Variants in NTNG1 observed in about 807,000 individuals in gnomAD.
NTNG1 encodes the protein netrin-G1.
In NTNG1, 16 loss-of-function variants were observed where a neutral mutation model predicts 54.0. The ratio of observed to expected loss-of-function variants is 0.30; its 90% CI spans 0.20 to 0.45. NTNG1 has a LOEUF of 0.45. NTNG1 is among the 20% of genes least tolerant of loss of function. The probability of loss-of-function intolerance (pLI) is 1.00; values close to 1 mark genes in which losing one functional copy is unlikely to be tolerated. For synonymous variants in NTNG1, 255 were observed against 263.1 expected (o/e 0.97, Z 0.30); for missense variants, 530 against 678.7 (o/e 0.78, Z 2.43).
At chr1:107,171,634 G>A (rs536976176) in intron 2 of NTNG1, among the ~76,000 whole-genome samples, 51 of 152,246 alleles carry the variant, frequency 3.3e-4, no homozygotes, top group African/African-American at 1.1e-3. Flanking sequence ...ATGGGGCTCT[G>A]TACTGCAGTC....
chr1:107,263,234 G>A lies in NTNG1; in HGVS notation c.247-61048G>A, dbSNP rs188269303. On this transcript the variant is annotated intron_variant, in intron 2 of 7. Transcript: ENST00000370068. ...GATGTGTGGGTGTGAGAGTGAGTGG[G>A]TGTGTGGGAAAAGCTAATAACAGTT... Among the ~76,000 whole-genome samples, 105 of 152,264 alleles carry A rather than the reference G, an allele frequency of 6.9e-4. 2 individuals carry two copies. Among genetic ancestry groups the A allele is most frequent in the Admixed American group, 3.9e-3 (60 of 15,304 alleles).
chr1:107,192,102 A>C (rs543889431), intron 2 of NTNG1, among the ~76,000 whole-genome samples: 1 of 151,988 alleles, frequency 6.6e-6, no homozygotes, highest in East Asian at 1.9e-4. Flanking sequence ...CTTTTATTTC[A>C]TTGATCAGTG....
intron 2 of NTNG1, among the ~76,000 whole-genome samples, chr1:107,189,840 G>A (rs917539160): frequency 2.7e-5 from 4 of 149,760 alleles, no homozygotes; most frequent in African/African-American, 9.8e-5. Context: ...AAAGGGGGGG[G>A]CCTTACTGGA....
chr1:107,439,097 G>C (rs915886136), intron 7 of NTNG1, among the ~76,000 whole-genome samples: 4 of 152,180 alleles, frequency 2.6e-5, no homozygotes, highest in African/African-American at 7.2e-5. Context: ...AATTACGATA[G>C]AAGGTAATCA....
chr1:107,461,844 T>A (rs924588289), intron 7 of NTNG1, among the ~76,000 whole-genome samples: 7 of 152,174 alleles, frequency 4.6e-5, no homozygotes, highest in African/African-American at 9.7e-5. Flanking sequence ...GAGACATGGA[T>A]TCTATTCCAA....
chr1:107,338,851 A>G (rs1668742743), intron 3 of NTNG1, among the ~76,000 whole-genome samples: 2 of 145,650 alleles, frequency 1.4e-5, no homozygotes, highest in Admixed American at 1.4e-4. Context: ...AAACACAAAG[A>G]TAAAACAAAG....
intron 2 of NTNG1, among the ~76,000 whole-genome samples, chr1:107,197,331 C>T (rs1215005128): frequency 6.6e-6 from 1 of 151,914 alleles, no homozygotes; most frequent in Non-Finnish European, 1.5e-5. Flanking sequence ...ACAGTGTCAC[C>T]GAGCCTTCTC....
chr1:107,288,604 A>G (rs1218645374), intron 2 of NTNG1, among the ~76,000 whole-genome samples: 1 of 152,168 alleles, frequency 6.6e-6, no homozygotes, highest in African/African-American at 2.4e-5. Context: ...GGAGTAAGGA[A>G]AGGTGGTATA....
chr1:107,217,349 A>G (rs1660039238), intron 2 of NTNG1, among the ~76,000 whole-genome samples: 2 of 151,986 alleles, frequency 1.3e-5, no homozygotes, highest in African/African-American at 4.8e-5. Flanking sequence ...TTCTTGGTTA[A>G]TCTCGCTAAT....
chr1:107,282,119 A>C (rs1664902180), intron 2 of NTNG1, among the ~76,000 whole-genome samples: 1 of 152,188 alleles, frequency 6.6e-6, no homozygotes. Flanking sequence ...TTCTTAAAAC[A>C]ATAGGGGAAG....
In NTNG1 at chr1:107,334,900, G is replaced by A. The variant is rs541442338; in HGVS notation, c.887+9978G>A. The stretch of plus-strand genomic sequence containing the variant: ...ACGGTTTTCCCATTAGGTATGCTAT[G>A]GCCACCTCTAAATATTCCCCACACA... On this transcript the variant is annotated intron_variant, in intron 3 of 7. Transcript: ENST00000370068. Among the ~76,000 whole-genome samples the A allele has an allele frequency of 1.6e-3, 250 of 152,060 alleles. 1 individual carries two copies. The highest frequency in any genetic ancestry group is 5.8e-3 in the African/African-American group (240 of 41,524).
intron 5 of NTNG1, among the ~76,000 whole-genome samples, chr1:107,418,875 T>C (rs960457450): frequency 1.6e-4 from 24 of 152,010 alleles, no homozygotes; most frequent in Non-Finnish European, 3.1e-4. Flanking sequence ...CCAGATTACA[T>C]TGAAGGTCAG....
chr1:107,233,799 T>G (rs192798881), intron 2 of NTNG1, among the ~76,000 whole-genome samples: 2 of 152,308 alleles, frequency 1.3e-5, no homozygotes, highest in Admixed American at 1.3e-4. Context: ...GGCTTTGACA[T>G]TTTTTTGCTC....
At chr1:107,336,134 G>A (rs1280157776) in intron 3 of NTNG1, among the ~76,000 whole-genome samples, 1 of 150,052 alleles carries the variant, frequency 6.7e-6, no homozygotes. Flanking sequence ...AAATAACATT[G>A]AAAAAGAAGA....
At chr1:107,361,978 G>A (rs1033122646) in intron 3 of NTNG1, among the ~76,000 whole-genome samples, 1 of 152,066 alleles carries the variant, frequency 6.6e-6, no homozygotes, top group Non-Finnish European at 1.5e-5. Flanking sequence ...TTTAAATATG[G>A]CAGAGACAAC....
chr1:107,327,164 GTCT>G (rs920189311), intron 3 of NTNG1, among the ~76,000 whole-genome samples: 2 of 152,214 alleles, frequency 1.3e-5, no homozygotes, highest in African/African-American at 4.8e-5. Flanking sequence ...CTTCCATAAG[GTCT>G]TCTTCTGTCA....
chr1:107,166,046 A>G (rs1379942035), intron 2 of NTNG1, among the ~76,000 whole-genome samples: 1 of 152,226 alleles, frequency 6.6e-6, no homozygotes, highest in Non-Finnish European at 1.5e-5. Flanking sequence ...TTATAAAGTC[A>G]ATAATTATTT....
Position 107,387,981 on chromosome 1 carries a change from A to G in NTNG1, c.888-7173A>G, listed in dbSNP as rs1485046306. 1.3e-5 allele frequency among the ~76,000 whole-genome samples: 2 copies of G among 152,280 alleles called. 1 individual carries two copies. Among genetic ancestry groups the G allele is most frequent in the East Asian group, 3.9e-4 (2 of 5,180 alleles). On this transcript the variant is annotated intron_variant, in intron 3 of 7. Transcript: ENST00000370068. ...CTAAGTGTCCCTACCCTACTTTGTTATATTGTCATGATTAGATACAGAGAG... is the reference window on the plus strand; with the variant it reads ...CTAAGTGTCCCTACCCTACTTTGTTGTATTGTCATGATTAGATACAGAGAG...
intron 5 of NTNG1, among the ~76,000 whole-genome samples, chr1:107,413,145 T>C (rs1022634978): frequency 1.9e-4 from 25 of 134,870 alleles, no homozygotes; most frequent in African/African-American, 5.4e-4. Context: ...GTTTTTTGTT[T>C]TGTTTTGTTC....
Sources: allele counts gnomAD v4.1 joint callset (sites outside exome capture counted in the v4.1 genomes callset), GRCh38; gene constraint gnomAD v4.1.1; transcripts MANE v1.5; gene names NCBI Gene and HGNC (gene_info 2026-07-23, HGNC 2026-07-21).